LRRC4C: variants seen among roughly 807,000 people sequenced by gnomAD.
The protein encoded by LRRC4C is leucine-rich repeat-containing protein 4C.
In LRRC4C, 5 loss-of-function variants were observed where a neutral mutation model predicts 33.6. The ratio of observed to expected loss-of-function variants is 0.15; its 90% CI spans 0.08 to 0.31. The LOEUF (loss-of-function observed/expected upper bound fraction) is 0.31, where lower values mean the gene tolerates loss of function less well. Ranked by LOEUF, LRRC4C falls within the 10% of genes least tolerant of loss-of-function variation. The pLI is 1.00. For synonymous variants in LRRC4C, 329 were observed against 302.0 expected, an observed-to-expected ratio of 1.09 and a Z score of -0.93; for missense variants, 560 against 796.7, an observed-to-expected ratio of 0.70 and a Z score of 3.58.
chr11:41,154,992 G>C (rs1447691837), intron 1 of LRRC4C, among the ~76,000 whole-genome samples: 1 of 152,146 alleles, frequency 6.6e-6, no homozygotes. Flanking sequence ...GGATGATGAC[G>C]TGGGGGTAAG....
chr11:41,411,172 G>A (rs1442722446), intron 1 of LRRC4C, among the ~76,000 whole-genome samples: 22 of 32,458 alleles, frequency 6.8e-4, no homozygotes, highest in African/African-American at 4.7e-3. Context: ...TTTTTGAGAT[G>A]GAGTCTTGCT....
At chr11:41,215,691 A>C (rs1434369419) in intron 1 of LRRC4C, among the ~76,000 whole-genome samples, 2 of 152,082 alleles carry the variant, frequency 1.3e-5, no homozygotes, top group African/African-American at 2.4e-5. Context: ...CATTTGATCC[A>C]TGCTATAGCC....
intron 4 of LRRC4C, among the ~76,000 whole-genome samples, chr11:40,318,092 A>T (rs1337612112): frequency 6.6e-6 from 1 of 152,148 alleles, no homozygotes; most frequent in Non-Finnish European, 1.5e-5. Context: ...GATAATAATC[A>T]ATTTCCAAAC....
intron 2 of LRRC4C, among the ~76,000 whole-genome samples, chr11:40,662,009 T>C (rs1477833906): frequency 6.6e-6 from 1 of 152,228 alleles, no homozygotes; most frequent in Non-Finnish European, 1.5e-5. Context: ...AGTCCACAAA[T>C]GGACAGTATG....
At chr11:41,378,501 GTAATTCA>G (rs1379142076) in intron 1 of LRRC4C, among the ~76,000 whole-genome samples, 4 of 152,132 alleles carry the variant, frequency 2.6e-5, no homozygotes, top group Non-Finnish European at 5.9e-5. Flanking sequence ...AGACTTTACA[GTAATTCA>G]TCTCTTAAGA....
At chr11:40,408,209 C>T (rs1317157096) in intron 3 of LRRC4C, among the ~76,000 whole-genome samples, 1 of 151,906 alleles carries the variant, frequency 6.6e-6, no homozygotes, top group Admixed American at 6.6e-5. Context: ...ACTCTGAAAT[C>T]CTTTGTTGAA....
intron 1 of LRRC4C, among the ~76,000 whole-genome samples, chr11:41,383,061 A>G (rs1953217371): frequency 6.6e-6 from 1 of 152,090 alleles, no homozygotes; most frequent in South Asian, 2.1e-4. Flanking sequence ...GTGACTCTAT[A>G]TCAAAAGGCG....
chr11:40,551,831 CTTAG>C (rs1957137967), intron 3 of LRRC4C, among the ~76,000 whole-genome samples: 1 of 152,118 alleles, frequency 6.6e-6, no homozygotes, highest in Non-Finnish European at 1.5e-5. Flanking sequence ...TATGTGTCAG[CTTAG>C]TTAGACCATG....
chr11:40,234,323 A>G (rs1269801571), intron 5 of LRRC4C, among the ~76,000 whole-genome samples: 1 of 152,190 alleles, frequency 6.6e-6, no homozygotes, highest in African/African-American at 2.4e-5. Flanking sequence ...AAGTAGTTAC[A>G]TTAAGACTTA....
At chr11:40,437,334 G>T (rs1416248789) in intron 3 of LRRC4C, among the ~76,000 whole-genome samples, 1 of 151,826 alleles carries the variant, frequency 6.6e-6, no homozygotes, top group African/African-American at 2.4e-5. Flanking sequence ...GGTTATCCTT[G>T]TAATATGTAA....
chr11:40,440,535 T>C (rs896666890), intron 3 of LRRC4C, among the ~76,000 whole-genome samples: 16 of 152,162 alleles, frequency 1.1e-4, no homozygotes, highest in African/African-American at 3.9e-4. Flanking sequence ...AATTATATCA[T>C]TCTCTTGAAA....
In LRRC4C at chr11:40,500,271, GATATATAT is replaced by G. The variant is rs377169790; in HGVS notation, c.-270+147863_-270+147870del. Among the ~76,000 whole-genome samples, 3 of 105,036 alleles carry G rather than the reference GATATATAT, an allele frequency of 2.9e-5. No individual in the cohort carries two copies. In the Admixed American group the frequency reaches 3.3e-4, roughly 12 times the overall value. The allele number at this position is 105,036 out of a possible 152,430, so 68.9% of individuals were successfully genotyped here. A position where few individuals can be genotyped will look rare whatever the true frequency, so the allele number is the denominator to read the frequency against. On this transcript the variant is annotated intron_variant, in intron 3 of 6. Transcript: ENST00000528697. Reference sequence around the variant, plus strand: ...ATCTAGACCACATAACCTAATGTCTGATATATATATATATATATATATACACACACACA... The same window carrying G: ...ATCTAGACCACATAACCTAATGTCTGATATATATATATATACACACACACA...
chr11:40,932,561 G>A (rs778876113), intron 2 of LRRC4C, among the ~76,000 whole-genome samples: 1 of 151,976 alleles, frequency 6.6e-6, no homozygotes, highest in South Asian at 2.1e-4. Context: ...ATTTAGAGAC[G>A]AATAGCTGAT....
At chr11:41,240,853 G>A (rs759739641) in intron 1 of LRRC4C, among the ~76,000 whole-genome samples, 65 of 151,958 alleles carry the variant, frequency 4.3e-4, no homozygotes, top group Non-Finnish European at 6.8e-4. Context: ...AGTCTTTGAG[G>A]TATTACAGTA....
At chr11:41,214,202 T>C (rs1385946288) in intron 1 of LRRC4C, among the ~76,000 whole-genome samples, 1 of 152,070 alleles carries the variant, frequency 6.6e-6, no homozygotes, top group East Asian at 1.9e-4. Context: ...ACATCTTCAA[T>C]CACCATTGGC....
chr11:41,320,780 A>C (rs2137269136), intron 1 of LRRC4C, among the ~76,000 whole-genome samples: 1 of 152,280 alleles, frequency 6.6e-6, no homozygotes, highest in South Asian at 2.1e-4. Flanking sequence ...TCCTCTGCTC[A>C]GGAGCTCACA....
intron 1 of LRRC4C, among the ~76,000 whole-genome samples, chr11:41,212,800 TG>T (rs1419756628): frequency 6.6e-6 from 1 of 152,228 alleles, no homozygotes; most frequent in Non-Finnish European, 1.5e-5. Flanking sequence ...TTCCTTTTCA[TG>T]GCTGCATAGT....
chr11:40,372,941 G>A (rs1026792462), intron 3 of LRRC4C, among the ~76,000 whole-genome samples: 1 of 152,050 alleles, frequency 6.6e-6, no homozygotes, highest in African/African-American at 2.4e-5. Context: ...TTTAATTAGA[G>A]CAAGTTGAAT....
At chr11:41,449,167 G>GT (rs1352848312) in intron 1 of LRRC4C, among the ~76,000 whole-genome samples, 13 of 152,152 alleles carry the variant, frequency 8.5e-5, no homozygotes, top group African/African-American at 2.9e-4. Context: ...TTAAAACCGT[G>GT]TAAGTGTACA....
Sources: gnomAD v4.1 joint callset for allele counts (sites outside exome capture counted in the v4.1 genomes callset) on GRCh38, gnomAD v4.1.1 for gene constraint, MANE v1.5 for transcripts, NCBI Gene and HGNC (gene_info 2026-07-23, HGNC 2026-07-21) for gene names.